The following PIK3CD variants were observed in gnomAD, a reference collection of about 807,000 sequenced individuals.
PIK3CD encodes the protein phosphatidylinositol-4,5-bisphosphate 3-kinase catalytic subunit delta, also known as phosphatidylinositol 4,5-bisphosphate 3-kinase catalytic subunit delta isoform.
Under a neutral mutation model 122.9 loss-of-function variants are expected in PIK3CD, and 20 were observed. That is an observed-to-expected ratio of 0.16 (90% confidence interval 0.11 to 0.24). The LOEUF (loss-of-function observed/expected upper bound fraction) is 0.24, where lower values mean the gene tolerates loss of function less well. Among genes scored for constraint, PIK3CD ranks in the 10% least tolerant of loss-of-function variants. PIK3CD has a pLI of 1.00. For synonymous variants in PIK3CD, 596 were observed against 593.4 expected, an observed-to-expected ratio of 1.00 and a Z score of -0.06; for missense variants, 787 against 1,406.3, an observed-to-expected ratio of 0.56 and a Z score of 7.04.
Position 9,727,141 on chromosome 1 carries a change from C to A in PIK3CD, c.*95C>A. Reference sequence around the variant, plus strand: ...AAGGGGCTGAAGAGCCTGAACTGCACCTAACGGGAAAGAACCGACATGGCT... The same window carrying A: ...AAGGGGCTGAAGAGCCTGAACTGCAACTAACGGGAAAGAACCGACATGGCT... On this transcript the variant is annotated 3_prime_UTR_variant, in exon 24 of 24. Coordinates refer to ENST00000377346, the MANE Select transcript of PIK3CD (RefSeq NM_005026.5). 1 of 1,423,450 alleles carries A rather than the reference C, an allele frequency of 7.0e-7. No individual in the cohort carries two copies. 88.2% of individuals were successfully genotyped at this position (1,423,450 alleles called of 1,614,324 possible).
Position 9,727,141 on chromosome 1 carries a change from C to T in PIK3CD, c.*95C>T, listed in dbSNP as rs1319741480. On this transcript the variant is annotated 3_prime_UTR_variant, in exon 24 of 24. Coordinates refer to ENST00000377346, the MANE Select transcript of PIK3CD (RefSeq NM_005026.5). ...AAGGGGCTGAAGAGCCTGAACTGCA[C>T]CTAACGGGAAAGAACCGACATGGCT... 4 of 1,423,332 alleles carry T rather than the reference C, an allele frequency of 2.8e-6. No individual in the cohort carries two copies. The highest frequency in any genetic ancestry group is 2.3e-5 in the South Asian group (2 of 85,388). The allele number at this position is 1,423,332 out of a possible 1,614,324, so 88.2% of individuals were successfully genotyped here. A position where few individuals can be genotyped will look rare whatever the true frequency, so the allele number is the denominator to read the frequency against.
Position 9,727,313 on chromosome 1 carries a change from A to G in PIK3CD, c.*267A>G, listed in dbSNP as rs974933217. On this transcript the variant is annotated 3_prime_UTR_variant, in exon 24 of 24. Coordinates refer to ENST00000377346, the MANE Select transcript of PIK3CD (RefSeq NM_005026.5). ...CTCTCGGCTGAGGATTGTCACCCCA[A>G]GTCTTCCAGCTGGTGGATCTGGGCC... 37 of 525,126 alleles carry G rather than the reference A, an allele frequency of 7.0e-5. No individual in the cohort carries two copies. The highest frequency in any genetic ancestry group is 4.5e-4 in the South Asian group (22 of 49,122). 32.5% of individuals were successfully genotyped at this position (525,126 alleles called of 1,614,324 possible).
chr1:9,634,736 G>A, the PIK3CD span, among the ~76,000 whole-genome samples: 1 of 152,154 alleles, frequency 6.6e-6, no homozygotes, highest in Admixed American at 6.5e-5. Context: ...ACTCTGCCTC[G>A]AGTCAGCTAG....
chr1:9,657,246 C>T (rs1644883975), intron 1 of PIK3CD, among the ~76,000 whole-genome samples: 1 of 152,198 alleles, frequency 6.6e-6, no homozygotes, highest in African/African-American at 2.4e-5. Context: ...AGATCCTTAA[C>T]TTACTTACAT....
chr1:9,686,559 G>A (rs1259775047), intron 1 of PIK3CD, among the ~76,000 whole-genome samples: 16 of 151,938 alleles, frequency 1.1e-4, no homozygotes, highest in Non-Finnish European at 4.4e-5. Context: ...TCACTGTGTG[G>A]CCCAGGCTGG....
chr1:9,725,905 C>T (rs1172615656), intron 23 of PIK3CD, among the ~76,000 whole-genome samples: 1 of 151,830 alleles, frequency 6.6e-6, no homozygotes, highest in East Asian at 1.9e-4. Context: ...TAAAAATAAA[C>T]ATAAATAAAA....
Position 9,720,786 on chromosome 1 carries a change from G to A in PIK3CD, c.1566G>A (p.Glu522=), listed in dbSNP as rs780697526. ...TCCTGGAGCGGCGGGGGTCTGGGGA[G>A]CTGTATGAGCACGAGAAGGACCTGG... ...REILERRGSG[E]LYEHEKDLVW... The change falls in exon 13 of 24, where the codon GAG becomes GAA. Residue 522 remains glutamate (E), a synonymous_variant. Transcript: ENST00000377346. The surrounding 1 kb of genome is among the most constrained non-coding windows in gnomAD (Gnocchi z 9.0). 6.2e-7 allele frequency: 1 copy of A among 1,612,762 alleles called. No individual in the cohort carries two copies. Among genetic ancestry groups the A allele is most frequent in the Non-Finnish European group, 8.5e-7 (1 of 1,179,704 alleles).
rs570939790 is a variant in PIK3CD at position 9,691,463 on chromosome 1, A to G, written c.-137-4A>G. The G allele has an allele frequency of 3.8e-5, 15 of 398,500 alleles. No homozygotes were observed. In the South Asian group the frequency reaches 8.9e-4, roughly 24 times the overall value. The allele number at this position is 398,500 out of a possible 1,614,324, so 24.7% of individuals were successfully genotyped here. ...TTTCTTTCTTTCTTTCTTTTCCCCA[A>G]CAGATAAGGAGTCAGGCCAGGGCGG... On this transcript the variant is annotated splice_polypyrimidine_tract_variant and splice_region_variant and intron_variant, in intron 1 of 23. Transcript: ENST00000377346.
intron 23 of PIK3CD, 137 bp from the exon 24 acceptor site, chr1:9,726,772 T>A (rs1279511851): frequency 8.9e-7 from 1 of 1,117,940 alleles, no homozygotes; most frequent in East Asian, 2.6e-5. Context: ...GGGAGCGGAA[T>A]AGAGAGCTTT....
At position 9,724,212 on chromosome 1, in the gene PIK3CD, C is replaced by A. The variant is rs1231064174; in HGVS notation, c.2719-64C>A. 1 of 1,612,676 alleles carries A rather than the reference C, an allele frequency of 6.2e-7. No individual in the cohort carries two copies. The highest frequency in any genetic ancestry group is 1.3e-5 in the African/African-American group (1 of 74,902). ...TCCCCCAGCCCTGCTGGCTTCCTGT[C>A]TCCCCTGGATTCTCTCCTGTCTGAC... On this transcript the variant is annotated intron_variant, in intron 21 of 23. Transcript: ENST00000377346. This position sits in a 1 kb window ranked among gnomAD's most constrained non-coding sequence, Gnocchi z 7.3.
rs1648826561 is a variant in PIK3CD at position 9,722,430 on chromosome 1, G to A, written c.2347+74G>A. On this transcript the variant is annotated intron_variant, in intron 18 of 23. Coordinates refer to ENST00000377346, the MANE Select transcript of PIK3CD (RefSeq NM_005026.5). This position sits in a 1 kb window ranked among gnomAD's most constrained non-coding sequence, Gnocchi z 7.6. ...CTGGGGTGCTCCTAGAGTGGGGGTG[G>A]AGAAGACAGAATCCTGGGACTTAAG... The A allele has an allele frequency of 5.2e-6, 8 of 1,541,710 alleles. No individual in the cohort carries two copies. Among genetic ancestry groups the A allele is most frequent in the Non-Finnish European group, 6.3e-6 (7 of 1,115,798 alleles).
chr1:9,669,886 GT>G (rs1645270424), intron 1 of PIK3CD, among the ~76,000 whole-genome samples: 1 of 152,036 alleles, frequency 6.6e-6, no homozygotes, highest in South Asian at 2.1e-4. Context: ...CATTAAAAAT[GT>G]TTCTTGCCAG....
the PIK3CD span, among the ~76,000 whole-genome samples, chr1:9,628,672 G>A: frequency 6.6e-6 from 1 of 152,210 alleles, no homozygotes; most frequent in Admixed American, 6.5e-5. Flanking sequence ...AGGTGGCCCA[G>A]AGTTGGTGGC....
chr1:9,665,755 CT>C (rs570359430), intron 1 of PIK3CD, among the ~76,000 whole-genome samples: 2 of 151,110 alleles, frequency 1.3e-5, no homozygotes, highest in Admixed American at 6.6e-5. Context: ...CCCTTTCATT[CT>C]TTTTTTTTGT....
chr1:9,646,825 C>A (rs967143218), upstream of PIK3CD, among the ~76,000 whole-genome samples: 1 of 151,784 alleles, frequency 6.6e-6, no homozygotes, highest in Non-Finnish European at 1.5e-5. Context: ...CTTGGTGGCT[C>A]ACGCCTTTAG....
At position 9,719,116 on chromosome 1, in the gene PIK3CD, C is replaced by T. The variant is rs1304963792; in HGVS notation, c.1242+201C>T. ...AGGGACACTCTGGGCTCCTGGGCTC[C>T]TGTGCATGCGGCCTCAGAATATCTG... On this transcript the variant is annotated intron_variant, in intron 9 of 23. Coordinates refer to ENST00000377346, the MANE Select transcript of PIK3CD (RefSeq NM_005026.5). This position sits in a 1 kb window ranked among gnomAD's most constrained non-coding sequence, Gnocchi z 5.5. Among the ~76,000 whole-genome samples, 1 of 152,248 alleles carries T rather than the reference C, an allele frequency of 6.6e-6. No individual in the cohort carries two copies. Among genetic ancestry groups the T allele is most frequent in the East Asian group, 1.9e-4 (1 of 5,194 alleles).
At chr1:9,699,369 C>A (rs1646540102) in intron 2 of PIK3CD, among the ~76,000 whole-genome samples, 1 of 152,142 alleles carries the variant, frequency 6.6e-6, no homozygotes, top group Non-Finnish European at 1.5e-5. Flanking sequence ...TCTGGCCTCG[C>A]CCCTTCCATT....
At chr1:9,677,807 CAA>C (rs1645595742) in intron 1 of PIK3CD, among the ~76,000 whole-genome samples, 1 of 151,904 alleles carries the variant, frequency 6.6e-6, no homozygotes, top group Non-Finnish European at 1.5e-5. Context: ...GGAATCAACA[CAA>C]GTTAGTTATT....
intron 1 of PIK3CD, chr1:9,654,400 C>T (rs1288898830): frequency 7.3e-7 from 1 of 1,367,694 alleles, no homozygotes; most frequent in Non-Finnish European, 9.8e-7. Context: ...GTGCCAGGGG[C>T]TGTGCTAAGA....
Sources: allele counts gnomAD v4.1 joint callset (sites outside exome capture counted in the v4.1 genomes callset), GRCh38; gene constraint gnomAD v4.1.1; non-coding constraint Gnocchi (gnomAD v3.1); transcripts MANE v1.5; gene names NCBI Gene and HGNC (gene_info 2026-07-23, HGNC 2026-07-21).